DTNB: variants seen among roughly 807,000 people sequenced by gnomAD.
The protein encoded by DTNB is dystrobrevin beta.
A neutral mutation model predicts 90.7 loss-of-function variants in DTNB; 63 were observed. The ratio of observed to expected loss-of-function variants is 0.69; its 90% CI spans 0.57 to 0.86. The LOEUF (loss-of-function observed/expected upper bound fraction) is 0.86. Among genes scored for constraint, DTNB ranks in the 40% least tolerant of loss-of-function variants. DTNB has a pLI of 0.00. For missense variants in DTNB, 744 were observed against 807.1 expected (o/e 0.92, Z 0.95); for synonymous variants, 277 against 286.7 (o/e 0.97, Z 0.34).
chr2:25,596,442 C>T (rs1268023392), intron 5 of DTNB: 2 of 411,786 alleles, frequency 4.9e-6, no homozygotes, highest in Non-Finnish European at 8.2e-6. Context: ...CTCTCTTCCA[C>T]TCACTTAATA....
rs936815029 is a variant in DTNB at position 25,548,615 on chromosome 2, G to A, written c.877-17018C>T. On this transcript the variant is annotated intron_variant, in intron 8 of 20. Transcript: ENST00000406818. The stretch of plus-strand genomic sequence containing the variant: ...GTTGAAAGAATGGCAAGATGTGAGC[G>A]CAGTCAGCCTGGAGTGGAGTAAGGG... Among the ~76,000 whole-genome samples, 10 of 152,026 alleles carry A rather than the reference G, an allele frequency of 6.6e-5. 1 individual carries two copies. The highest frequency in any genetic ancestry group is 5.2e-4 in the Admixed American group (8 of 15,242).
At chr2:25,499,345 C>G (rs1484334502) in intron 9 of DTNB, among the ~76,000 whole-genome samples, 1 of 152,178 alleles carries the variant, frequency 6.6e-6, no homozygotes, top group Non-Finnish European at 1.5e-5. Context: ...CCCTGTGTGT[C>G]TCAGCTAACT....
At chr2:25,518,409 GA>G (rs2075533598) in intron 9 of DTNB, among the ~76,000 whole-genome samples, 1 of 152,084 alleles carries the variant, frequency 6.6e-6, no homozygotes, top group Non-Finnish European at 1.5e-5. Context: ...TGATGGTTCT[GA>G]GTTTTGTTGT....
At position 25,664,859 on chromosome 2, in the gene DTNB, T is replaced by C. The variant is rs542358856; in HGVS notation, c.-2+8527A>G. On this transcript the variant is annotated intron_variant, in intron 1 of 20. Transcript: ENST00000406818. ...ACGATGCTAAAGCGCTAGAGCCCAT[T>C]TTCTTTCTATTGTGTCACATCGCCC... is the stretch of plus-strand genomic sequence containing the variant. Among the ~76,000 whole-genome samples the C allele has an allele frequency of 9.2e-5, 14 of 152,138 alleles. No homozygotes were observed. The East Asian group carries it at 2.7e-3, about 30-fold the overall frequency.
chr2:25,400,578 T>G (rs564618491), intron 16 of DTNB, among the ~76,000 whole-genome samples: 54 of 152,318 alleles, frequency 3.5e-4, no homozygotes, highest in African/African-American at 1.3e-3. Context: ...GGGGATATGT[T>G]GTCCAATGAT....
chr2:25,614,463 A>T (rs1573443259), intron 4 of DTNB, among the ~76,000 whole-genome samples: 1 of 152,340 alleles, frequency 6.6e-6, no homozygotes, highest in East Asian at 1.9e-4. Context: ...GAGTTTAACA[A>T]CATTGCAGAA....
intron 11 of DTNB, among the ~76,000 whole-genome samples, chr2:25,455,191 A>T (rs941442052): frequency 2.6e-5 from 4 of 151,984 alleles, no homozygotes; most frequent in African/African-American, 9.7e-5. Flanking sequence ...AGAATGTCTG[A>T]CTCCATGTTT....
chr2:25,397,011 C>T (rs1328614319), intron 16 of DTNB, among the ~76,000 whole-genome samples: 5 of 151,872 alleles, frequency 3.3e-5, no homozygotes, highest in East Asian at 1.9e-4. Flanking sequence ...AAGCCATCTA[C>T]GGAATAAAGA....
At chr2:25,634,213 G>C (rs2076538240) in intron 3 of DTNB, among the ~76,000 whole-genome samples, 1 of 117,470 alleles carries the variant, frequency 8.5e-6, no homozygotes, top group African/African-American at 2.9e-5. Context: ...TGCCCGGCCA[G>C]CCGCCCTGTC....
intron 3 of DTNB, 74 bp from the exon 4 acceptor site, chr2:25,628,458 T>G: frequency 2.9e-6 from 4 of 1,361,698 alleles, no homozygotes; most frequent in African/African-American, 1.5e-5. Flanking sequence ...AATCTAAAAT[T>G]TATCAACTAG....
chr2:25,410,458 A>G (rs1191357708), intron 16 of DTNB, among the ~76,000 whole-genome samples: 2 of 152,170 alleles, frequency 1.3e-5, no homozygotes, highest in Non-Finnish European at 2.9e-5. Flanking sequence ...CCACCACGCA[A>G]GACAGGACCA....
chr2:25,657,262 G>A (rs781038270), intron 1 of DTNB, among the ~76,000 whole-genome samples: 3 of 150,262 alleles, frequency 2.0e-5, no homozygotes, highest in Non-Finnish European at 4.4e-5. Context: ...CCAAATGAAT[G>A]GGTTTGGAAA....
chr2:25,541,616 T>A (rs925574361), intron 8 of DTNB, among the ~76,000 whole-genome samples: 1 of 152,176 alleles, frequency 6.6e-6, no homozygotes, highest in East Asian at 1.9e-4. Flanking sequence ...CCGGAAGTAT[T>A]TGAAAAATGC....
intron 3 of DTNB, among the ~76,000 whole-genome samples, chr2:25,628,715 T>C (rs1337195926): frequency 6.6e-6 from 1 of 152,232 alleles, no homozygotes; most frequent in East Asian, 1.9e-4. Flanking sequence ...CTAGTCTTTT[T>C]GAAAATTTGC....
intron 20 of DTNB, 89 bp downstream of exon 20, chr2:25,379,201 G>A (rs1008206354): frequency 5.6e-6 from 7 of 1,239,538 alleles, no homozygotes; most frequent in African/African-American, 4.7e-5. Flanking sequence ...CCCTGGCTAG[G>A]GACCTGTGAC....
At chr2:25,415,214 C>T (rs1290609826) in intron 16 of DTNB, among the ~76,000 whole-genome samples, 4 of 151,032 alleles carry the variant, frequency 2.6e-5, no homozygotes, top group Non-Finnish European at 2.9e-5. Flanking sequence ...TATATTTGGT[C>T]TCCATTCCAG....
chr2:25,489,417 T>C (rs2066897361), intron 9 of DTNB, among the ~76,000 whole-genome samples: 1 of 152,104 alleles, frequency 6.6e-6, no homozygotes, highest in Non-Finnish European at 1.5e-5. Flanking sequence ...AAAAAATAAT[T>C]ATAATGTAGC....
chr2:25,478,808 G>A (rs866412760), intron 10 of DTNB, among the ~76,000 whole-genome samples: 15 of 152,118 alleles, frequency 9.9e-5, no homozygotes, highest in African/African-American at 2.7e-4. Flanking sequence ...CCTTCCTTGC[G>A]TTTTTCTAAT....
At chr2:25,521,808 T>C (rs1313731184) in intron 9 of DTNB, among the ~76,000 whole-genome samples, 12 of 152,252 alleles carry the variant, frequency 7.9e-5, no homozygotes, top group Non-Finnish European at 1.5e-4. Context: ...GAGGGACAGG[T>C]TGGCCTTAGC....
Sources: allele counts gnomAD v4.1 joint callset (sites outside exome capture counted in the v4.1 genomes callset), GRCh38; gene constraint gnomAD v4.1.1; transcripts MANE v1.5; gene names NCBI Gene and HGNC (gene_info 2026-07-23, HGNC 2026-07-21).